Variants in ZNF385D observed in about 807,000 individuals in gnomAD.
ZNF385D encodes zinc finger protein 659.
A neutral mutation model predicts 35.8 loss-of-function variants in ZNF385D; 15 were observed. The observed-to-expected ratio is 0.42, with a 90% CI of 0.28 to 0.64. ZNF385D has a LOEUF of 0.64. ZNF385D is among the 30% of genes least tolerant of loss of function. ZNF385D has a pLI of 0.23. For synonymous variants in ZNF385D, 212 were observed against 186.8 expected (o/e 1.13, Z -1.10); for missense variants, 474 against 494.6 (o/e 0.96, Z 0.39).
chr3:21,674,068 G>A (rs1045787739), intron 1 of ZNF385D, among the ~76,000 whole-genome samples: 1 of 152,102 alleles, frequency 6.6e-6, no homozygotes, highest in African/African-American at 2.4e-5. Context: ...TCTTAACTGA[G>A]ACTTGCCTGC....
intron 5 of ZNF385D, 89 bp downstream of exon 5, chr3:21,436,881 C>G: frequency 8.1e-7 from 1 of 1,230,206 alleles, no homozygotes; most frequent in Non-Finnish European, 1.1e-6. Flanking sequence ...TTCCTCCACC[C>G]CTTTGTCCCC....
chr3:21,434,125 T>A (rs1701435694), intron 5 of ZNF385D, among the ~76,000 whole-genome samples: 1 of 152,060 alleles, frequency 6.6e-6, no homozygotes, highest in Admixed American at 6.6e-5. Flanking sequence ...CCAATAGAAG[T>A]TTTTATGTTT....
Position 22,178,029 on chromosome 3 carries a change from C to A in ZNF385D, c.107-8994G>T, listed in dbSNP as rs546367470. Among the ~76,000 whole-genome samples, 20 of 152,242 alleles carry A rather than the reference C, an allele frequency of 1.3e-4. No individual in the cohort carries two copies. The South Asian group carries it at 3.5e-3, about 27-fold the overall frequency. On this transcript the variant is annotated intron_variant, in intron 2 of 5. Coordinates refer to the ZNF385D transcript ENST00000494108. ...TTCCAAGTCTTTGCTATTGTGAATA[C>A]TGCCGCATTAAACATATGTGTACAT...
intron 2 of ZNF385D, among the ~76,000 whole-genome samples, chr3:22,324,274 T>TA (rs1490638350): frequency 6.6e-6 from 1 of 152,258 alleles, no homozygotes; most frequent in East Asian, 1.9e-4. Flanking sequence ...TGTTTGAATT[T>TA]AAAAAATGAA....
intron 2 of ZNF385D, among the ~76,000 whole-genome samples, chr3:22,216,252 A>C (rs1276446529): frequency 6.6e-6 from 1 of 151,884 alleles, no homozygotes; most frequent in Non-Finnish European, 1.5e-5. Flanking sequence ...TAACTTGATA[A>C]ATGTTTTGAT....
chr3:21,653,141 A>G (rs1047358790), intron 2 of ZNF385D, among the ~76,000 whole-genome samples: 1 of 152,108 alleles, frequency 6.6e-6, no homozygotes, highest in African/African-American at 2.4e-5. Context: ...ATACACATAT[A>G]TTCTATAATT....
intron 3 of ZNF385D, among the ~76,000 whole-genome samples, chr3:22,061,754 C>G (rs923974920): frequency 6.6e-6 from 1 of 152,168 alleles, no homozygotes; most frequent in African/African-American, 2.4e-5. Context: ...TGCCCTCTAC[C>G]ACTGCCTCTG....
chr3:21,712,250 G>A (rs903312394), intron 1 of ZNF385D, among the ~76,000 whole-genome samples: 2 of 152,012 alleles, frequency 1.3e-5, no homozygotes, highest in Non-Finnish European at 2.9e-5. Context: ...TCTCTCCATT[G>A]TACACGTCTA....
At chr3:21,560,566 T>G (rs1250226093) in intron 3 of ZNF385D, among the ~76,000 whole-genome samples, 2 of 152,122 alleles carry the variant, frequency 1.3e-5, no homozygotes, top group Non-Finnish European at 2.9e-5. Context: ...CTCTCCTGTA[T>G]GAGGTGCCGG....
chr3:22,141,658 C>A (rs913203318), intron 3 of ZNF385D, among the ~76,000 whole-genome samples: 1 of 145,524 alleles, frequency 6.9e-6, no homozygotes, highest in African/African-American at 2.5e-5. Flanking sequence ...CCAAAAGCAC[C>A]GCCCCTGGGG....
intron 3 of ZNF385D, among the ~76,000 whole-genome samples, chr3:22,153,413 T>A (rs1174253680): frequency 6.6e-6 from 1 of 151,868 alleles, no homozygotes; most frequent in Non-Finnish European, 1.5e-5. Flanking sequence ...GTTCCTGCAT[T>A]CACAATGACC....
rs1454589978 is a variant in ZNF385D, at chr3:21,476,103, G to A, written c.439+34758C>T. On this transcript the variant is annotated intron_variant, in intron 4 of 7. Transcript: ENST00000281523. ...AAACATTGCTCATCTCTGAACTGCA[G>A]TATTAGACTTTTAAACAATTGAAAC... is the stretch of plus-strand genomic sequence containing the variant. Among the ~76,000 whole-genome samples, 11 of 152,276 alleles carry A rather than the reference G, an allele frequency of 7.2e-5. No homozygotes were observed. The South Asian group carries it at 2.3e-3, about 32-fold the overall frequency.
intron 2 of ZNF385D, among the ~76,000 whole-genome samples, chr3:22,232,465 G>A (rs147340829): frequency 1.6e-3 from 237 of 151,960 alleles, no homozygotes; most frequent in African/African-American, 5.3e-3. Context: ...ATACATACAC[G>A]TGCCATGGTG....
chr3:22,291,622 T>G (rs1702306655), intron 2 of ZNF385D, among the ~76,000 whole-genome samples: 1 of 152,046 alleles, frequency 6.6e-6, no homozygotes, highest in Non-Finnish European at 1.5e-5. Context: ...TAAAGAAGTG[T>G]AATAATTTTA....
intron 2 of ZNF385D, among the ~76,000 whole-genome samples, chr3:22,200,063 T>C (rs1211716674): frequency 6.6e-6 from 1 of 152,098 alleles, no homozygotes; most frequent in Non-Finnish European, 1.5e-5. Context: ...GTTAAGATCA[T>C]ACAAGTAAAA....
At chr3:22,086,216 G>C (rs1189529073) in intron 3 of ZNF385D, among the ~76,000 whole-genome samples, 1 of 152,188 alleles carries the variant, frequency 6.6e-6, no homozygotes, top group Admixed American at 6.5e-5. Context: ...AATCAGGCAA[G>C]AGAAAGAAAT....
At chr3:21,818,504 AGT>A in intron 3 of ZNF385D, among the ~76,000 whole-genome samples, 1 of 152,232 alleles carries the variant, frequency 6.6e-6, no homozygotes, top group Non-Finnish European at 1.5e-5. Context: ...TTATCATAAT[AGT>A]GTGTTAATTT....
At chr3:21,495,972 C>T in intron 4 of ZNF385D, among the ~76,000 whole-genome samples, 1 of 151,986 alleles carries the variant, frequency 6.6e-6, no homozygotes, top group Non-Finnish European at 1.5e-5. Flanking sequence ...TTCCTGGAAA[C>T]ATACAATCTT....
intron 1 of ZNF385D, among the ~76,000 whole-genome samples, chr3:21,747,521 C>G (rs1245144715): frequency 1.3e-5 from 2 of 152,190 alleles, no homozygotes; most frequent in African/African-American, 4.8e-5. Flanking sequence ...TCTGGCCAAC[C>G]ATGGGGAATC....
Sources: gnomAD v4.1 joint callset for allele counts (sites outside exome capture counted in the v4.1 genomes callset) on GRCh38, gnomAD v4.1.1 for gene constraint, MANE v1.5 for transcripts, NCBI Gene and HGNC (gene_info 2026-07-23, HGNC 2026-07-21) for gene names.